Variants in AKAP6 observed in about 807,000 individuals in gnomAD.
AKAP6 encodes the protein A-kinase anchor protein 6.
A neutral mutation model predicts 188.5 loss-of-function variants in AKAP6; 58 were observed. The ratio of observed to expected loss-of-function variants is 0.31; its 90% CI spans 0.25 to 0.38. The LOEUF is 0.38. AKAP6 is among the 10% of genes least tolerant of loss of function. The pLI, the probability that AKAP6 is intolerant of heterozygous loss-of-function variation, is 1.00. For synonymous variants in AKAP6, 989 were observed against 998.6 expected (o/e 0.99, Z 0.18); for missense variants, 2,710 against 2,740.0 (o/e 0.99, Z 0.24).
At chr14:32,826,554 C>A (rs998172106) in intron 13 of AKAP6, among the ~76,000 whole-genome samples, 16 of 152,194 alleles carry the variant, frequency 1.1e-4, no homozygotes, top group Admixed American at 2.6e-4. Flanking sequence ...CCACTCTGAG[C>A]ATGACATCAT....
intron 11 of AKAP6, among the ~76,000 whole-genome samples, chr14:32,745,507 C>G (rs1594903948): frequency 6.8e-6 from 1 of 146,030 alleles, no homozygotes. Flanking sequence ...GTCTCTCTCT[C>G]TCTCTCTCTC....
chr14:32,711,899 G>A (rs1476546967), intron 9 of AKAP6, among the ~76,000 whole-genome samples: 1 of 151,814 alleles, frequency 6.6e-6, no homozygotes, highest in Non-Finnish European at 1.5e-5. Context: ...AAGTGAGGGG[G>A]GTGGACTCAG....
chr14:32,512,282 T>A (rs1465326011), intron 2 of AKAP6, among the ~76,000 whole-genome samples: 1 of 152,192 alleles, frequency 6.6e-6, no homozygotes, highest in Non-Finnish European at 1.5e-5. Context: ...CCACTCGTTG[T>A]TTGATATGAG....
Position 32,344,725 on chromosome 14 carries a change from T to G in AKAP6, c.-35+15317T>G, listed in dbSNP as rs113235376. Among the ~76,000 whole-genome samples the G allele has an allele frequency of 4.8e-4, 73 of 152,044 alleles. 1 individual carries two copies. Among genetic ancestry groups the G allele is most frequent in the African/African-American group, 1.7e-3 (69 of 41,492 alleles). Reference sequence around the variant, plus strand: ...GAAGTCAGGAGTTTGAGACCAGCCTTGCCAACATGGCGAAACCCCGTCTCT... The same window carrying G: ...GAAGTCAGGAGTTTGAGACCAGCCTGGCCAACATGGCGAAACCCCGTCTCT... On this transcript the variant is annotated intron_variant, in intron 1 of 13. Transcript: ENST00000280979.
chr14:32,672,131 T>C (rs986002137), intron 7 of AKAP6, among the ~76,000 whole-genome samples: 1 of 152,196 alleles, frequency 6.6e-6, no homozygotes, highest in Non-Finnish European at 1.5e-5. Flanking sequence ...CAAATTTCCA[T>C]AAAATATTTT....
At chr14:32,650,291 A>G (rs1404941126) in intron 7 of AKAP6, among the ~76,000 whole-genome samples, 1 of 152,166 alleles carries the variant, frequency 6.6e-6, no homozygotes, top group Non-Finnish European at 1.5e-5. Context: ...TGTCTTTCAG[A>G]CATACCAGTG....
At chr14:32,387,190 G>A (rs934661660) in intron 1 of AKAP6, among the ~76,000 whole-genome samples, 23 of 152,056 alleles carry the variant, frequency 1.5e-4, no homozygotes, top group African/African-American at 5.6e-4. Context: ...GGAACTTTCT[G>A]GAGGAATCTT....
chr14:32,670,218 C>T lies in AKAP6; in HGVS notation c.2731-8093C>T, dbSNP rs115167280. The stretch of plus-strand genomic sequence containing the variant: ...ACAAGAATAGCAGGAGGGTAAATGC[C>T]CCCAGGATTAAATTACATCCCACTG... On this transcript the variant is annotated intron_variant, in intron 7 of 13. Coordinates refer to ENST00000280979, the MANE Select transcript of AKAP6 (RefSeq NM_004274.5). 9.4e-3 allele frequency among the ~76,000 whole-genome samples: 1,436 copies of T among 152,060 alleles called. 31 individuals carry two copies. Among genetic ancestry groups the T allele is most frequent in the African/African-American group, 0.034 (1,391 of 41,494 alleles).
At chr14:32,333,341 G>A (rs3784167) in intron 1 of AKAP6, among the ~76,000 whole-genome samples, 2 of 151,884 alleles carry the variant, frequency 1.3e-5, no homozygotes, top group East Asian at 1.9e-4. Context: ...TGTTTTGATC[G>A]CATGGATTCA....
At chr14:32,483,624 A>G (rs1256602907) in intron 2 of AKAP6, among the ~76,000 whole-genome samples, 3 of 152,146 alleles carry the variant, frequency 2.0e-5, no homozygotes, top group Admixed American at 1.3e-4. Context: ...AGCTGGGATT[A>G]CAGGCATATG....
At position 32,822,473 on chromosome 14, in the gene AKAP6, C is replaced by G; in HGVS notation, c.4660C>G (p.Gln1554Glu). 1 of 1,614,018 alleles carries G rather than the reference C, an allele frequency of 6.2e-7. No individual in the cohort carries two copies. The highest frequency in any genetic ancestry group is 1.1e-5 in the South Asian group (1 of 91,084). ...TATAGAAAAGACATTCACTGGCATG[C>G]AGAATGCCAAACAGCTCTCCCTTTT... ...GNIEKTFTGM[Q>E]NAKQLSLLSH... Residue 1554 changes from glutamine (Q) to glutamate (E), a missense_variant, in exon 13 of 14, where the codon CAG becomes GAG. Transcript: ENST00000280979.
intron 1 of AKAP6, among the ~76,000 whole-genome samples, chr14:32,429,197 C>G (rs1229100872): frequency 2.0e-5 from 3 of 152,098 alleles, no homozygotes; most frequent in Non-Finnish European, 4.4e-5. Flanking sequence ...AACTTGTAGT[C>G]TAAGCTTTTA....
At chr14:32,818,559 A>C (rs1037150585) in intron 12 of AKAP6, among the ~76,000 whole-genome samples, 1 of 151,402 alleles carries the variant, frequency 6.6e-6, no homozygotes, top group Non-Finnish European at 1.5e-5. Context: ...TTTGATCTGC[A>C]GTTGGTTGAA....
intron 5 of AKAP6, among the ~76,000 whole-genome samples, chr14:32,596,373 C>G (rs9707530): frequency 0.051 from 7,724 of 152,136 alleles, 259 homozygotes; most frequent in African/African-American, 0.098. Flanking sequence ...AAAGTTTGGT[C>G]CTGCCAATAA....
chr14:32,346,217 A>C (rs1887060842), intron 1 of AKAP6, among the ~76,000 whole-genome samples: 1 of 152,140 alleles, frequency 6.6e-6, no homozygotes, highest in South Asian at 2.1e-4. Context: ...TACATGTGAA[A>C]TTCATGCTGG....
At chr14:32,628,868 G>T (rs994909975) in intron 7 of AKAP6, among the ~76,000 whole-genome samples, 2 of 151,978 alleles carry the variant, frequency 1.3e-5, no homozygotes, top group African/African-American at 4.8e-5. Flanking sequence ...AGAATAAAAT[G>T]AACACTTTGT....
At chr14:32,632,339 A>T (rs577812805) in intron 7 of AKAP6, among the ~76,000 whole-genome samples, 1 of 152,180 alleles carries the variant, frequency 6.6e-6, no homozygotes, top group African/African-American at 2.4e-5. Context: ...CTAATCATTT[A>T]TTCTATGAAT....
chr14:32,629,885 G>A (rs889110002), intron 7 of AKAP6, among the ~76,000 whole-genome samples: 1 of 151,622 alleles, frequency 6.6e-6, no homozygotes, highest in Non-Finnish European at 1.5e-5. Flanking sequence ...TGGGCAACAA[G>A]CAAGACCCTG....
At chr14:32,660,462 A>G (rs970114631) in intron 7 of AKAP6, among the ~76,000 whole-genome samples, 1 of 152,124 alleles carries the variant, frequency 6.6e-6, no homozygotes, top group Non-Finnish European at 1.5e-5. Flanking sequence ...AATCACTCAA[A>G]AAGCCTGGAA....
Sources: gnomAD v4.1 joint callset for allele counts (sites outside exome capture counted in the v4.1 genomes callset) on GRCh38, gnomAD v4.1.1 for gene constraint, MANE v1.5 for transcripts, NCBI Gene and HGNC (gene_info 2026-07-23, HGNC 2026-07-21) for gene names.